Variants in MAST2 observed in about 807,000 individuals in gnomAD.
The protein encoded by MAST2 is microtubule-associated serine/threonine-protein kinase 2.
Under a neutral mutation model 147.4 loss-of-function variants are expected in MAST2, and 70 were observed. That is an observed-to-expected ratio of 0.47 (90% CI 0.39 to 0.58). The LOEUF is 0.58. Among genes scored for constraint, MAST2 ranks in the 20% least tolerant of loss-of-function variants. The pLI, the probability that MAST2 is intolerant of heterozygous loss-of-function variation, is 0.00. For missense variants in MAST2, 2,080 were observed against 2,302.3 expected (o/e 0.90, Z 1.98); for synonymous variants, 869 against 896.8 (o/e 0.97, Z 0.55).
chr1:45,920,459 A>G lies in MAST2; in HGVS notation c.500+38064A>G, dbSNP rs528225358. On this transcript the variant is annotated intron_variant, in intron 4 of 28. Transcript: ENST00000361297. ...TATTTTGCATGTTTCCCATCGGTCC[A>G]GTGTCTGCAAACTATTGTTTCATAT... is the stretch of plus-strand genomic sequence containing the variant. 1.7e-4 allele frequency among the ~76,000 whole-genome samples: 26 copies of G among 152,252 alleles called. No individual in the cohort carries two copies. The South Asian group carries it at 5.4e-3, about 32-fold the overall frequency.
rs756103059 is a variant in MAST2 at position 45,824,504 on chromosome 1, A to C, written c.249A>C (p.Gly83=). 1.1e-5 allele frequency: 18 copies of C among 1,612,314 alleles called. No homozygotes were observed. In the African/African-American group the frequency reaches 1.3e-4, roughly 12 times the overall value. The stretch of plus-strand genomic sequence containing the variant: ...ATCCTGACATATTTTCATCCACTGG[A>C]AAAGTTAAACTTCAGCGACAACTGA... ...LSNPDIFSST[G]KVKLQRQLSQ... Residue 83 remains glycine (G), a synonymous_variant, in exon 2 of 29, where the codon GGA becomes GGC. Transcript: ENST00000361297.
chr1:45,817,973 G>A (rs977116266), intron 1 of MAST2, among the ~76,000 whole-genome samples: 1 of 152,208 alleles, frequency 6.6e-6, no homozygotes, highest in African/African-American at 2.4e-5. Context: ...TGGAAAGAAT[G>A]TTCTGCATCC....
chr1:45,988,783 C>T (rs1644748682), intron 5 of MAST2, among the ~76,000 whole-genome samples: 1 of 152,122 alleles, frequency 6.6e-6, no homozygotes, highest in Non-Finnish European at 1.5e-5. Context: ...TTTCAGTTGG[C>T]TCCTTTCCCC....
At chr1:45,900,173 C>CAA (rs59051138) in intron 4 of MAST2, among the ~76,000 whole-genome samples, 13,145 of 53,658 alleles carry the variant, frequency 0.24, 2,078 homozygotes, top group Non-Finnish European at 0.3. Context: ...CTCTCTCTCT[C>CAA]AAAAAAAAAA....
intron 3 of MAST2, among the ~76,000 whole-genome samples, chr1:45,866,748 T>C (rs1570438419): frequency 2.2e-5 from 1 of 45,172 alleles, no homozygotes; most frequent in Admixed American, 2.6e-4. Context: ...TTTTGTCTAC[T>C]TTTTTTTTTT....
intron 5 of MAST2, among the ~76,000 whole-genome samples, chr1:45,974,339 G>A (rs1644047316): frequency 1.3e-5 from 2 of 152,204 alleles, no homozygotes; most frequent in Admixed American, 1.3e-4. Flanking sequence ...GCTCACGCCT[G>A]TAATCCCCAC....
At chr1:46,033,583 C>T (rs1334736358) in intron 26 of MAST2, among the ~76,000 whole-genome samples, 1 of 152,176 alleles carries the variant, frequency 6.6e-6, no homozygotes, top group Non-Finnish European at 1.5e-5. Context: ...GACGGATTAG[C>T]CTGTTTTCTA....
intron 4 of MAST2, among the ~76,000 whole-genome samples, chr1:45,925,004 A>T (rs188450951): frequency 6.6e-6 from 1 of 152,212 alleles, no homozygotes. Flanking sequence ...AGTTTGTGAT[A>T]CTTGGTTATG....
At chr1:45,917,170 G>C (rs116389931) in intron 4 of MAST2, among the ~76,000 whole-genome samples, 1,844 of 152,332 alleles carry the variant, frequency 0.012, 28 homozygotes, top group African/African-American at 0.039. Context: ...TTTTGTCTCT[G>C]TTGTCATCCT....
intron 4 of MAST2, among the ~76,000 whole-genome samples, chr1:45,899,394 T>G (rs1303132642): frequency 6.7e-6 from 1 of 150,360 alleles, no homozygotes; most frequent in African/African-American, 2.4e-5. Flanking sequence ...TTTCGGCTTC[T>G]AGTGAACCCA....
At chr1:45,860,703 G>T (rs909436370) in intron 3 of MAST2, among the ~76,000 whole-genome samples, 52 of 151,580 alleles carry the variant, frequency 3.4e-4, no homozygotes, top group African/African-American at 1.2e-3. Context: ...GTAGTGGCGG[G>T]TGCCTGTAAT....
intron 4 of MAST2, among the ~76,000 whole-genome samples, chr1:45,929,172 T>C (rs1373985699): frequency 6.6e-6 from 1 of 152,210 alleles, no homozygotes; most frequent in East Asian, 1.9e-4. Context: ...TCCTTCCCTT[T>C]ATTAACTACA....
rs192351518 is a variant in MAST2 at position 45,877,083 on chromosome 1, A to G, written c.469-5281A>G. The stretch of plus-strand genomic sequence containing the variant: ...TCGTGCTGCTATAAAAAAATACCAC[A>G]GATTGGATCATTTATAAAGAACAGA... On this transcript the variant is annotated intron_variant, in intron 3 of 28. Transcript: ENST00000361297. 3.3e-5 allele frequency among the ~76,000 whole-genome samples: 5 copies of G among 152,262 alleles called. No homozygotes were observed. The East Asian group carries it at 9.7e-4, about 30-fold the overall frequency.
Position 46,030,770 on chromosome 1 carries a change from C to T in MAST2, c.2708+9C>T, listed in dbSNP as rs1271613363. ...ATTGGCTCCCCTGAGATGTGAGCACCCAGAGTTCACCCAGGGTGGGCGACA... is the reference window on the plus strand; with the variant it reads ...ATTGGCTCCCCTGAGATGTGAGCACTCAGAGTTCACCCAGGGTGGGCGACA... On this transcript the variant is annotated intron_variant, in intron 22 of 28. Transcript: ENST00000361297. 2 of 1,564,312 alleles carry T rather than the reference C, an allele frequency of 1.3e-6. No individual in the cohort carries two copies. Among genetic ancestry groups the T allele is most frequent in the African/African-American group, 1.4e-5 (1 of 72,888 alleles).
At chr1:46,024,139 T>C (rs2149301172) in intron 15 of MAST2, 159 bp downstream of exon 15, 1 of 682,642 alleles carries the variant, frequency 1.5e-6, no homozygotes, top group East Asian at 2.8e-5. Flanking sequence ...AGAGACCATT[T>C]GGCCACAGTG....
At chr1:45,931,026 A>G (rs1655203636) in intron 4 of MAST2, among the ~76,000 whole-genome samples, 1 of 152,234 alleles carries the variant, frequency 6.6e-6, no homozygotes, top group Admixed American at 6.5e-5. Flanking sequence ...AGACATTTTC[A>G]TAACAGTACA....
At chr1:45,875,587 A>G (rs1646571758) in intron 3 of MAST2, among the ~76,000 whole-genome samples, 1 of 152,198 alleles carries the variant, frequency 6.6e-6, no homozygotes, top group Non-Finnish European at 1.5e-5. Context: ...AGGGAGACCA[A>G]TTAGGAGGAT....
intron 10 of MAST2, among the ~76,000 whole-genome samples, chr1:46,013,577 G>T (rs1348327419): frequency 6.6e-6 from 1 of 152,096 alleles, no homozygotes; most frequent in Admixed American, 6.5e-5. Context: ...CCGCTCGGGA[G>T]GCTGAGGCAG....
Position 46,034,765 on chromosome 1 carries a change from C to T in MAST2, c.4096C>T (p.Leu1366=). ...TTCACCTCAGCGGTCCCCATCGCCCCTGTCTGGCCATGTAGCCCAGGCCTT... is the reference window on the plus strand; with the variant it reads ...TTCACCTCAGCGGTCCCCATCGCCCTTGTCTGGCCATGTAGCCCAGGCCTT... The part of the protein sequence containing the change: ...TASPQRSPSP[L]SGHVAQAFPT... The change falls in exon 29 of 29, where the codon CTG becomes TTG. Residue 1366 remains leucine (L), a synonymous_variant. Transcript: ENST00000361297. 1 of 1,613,972 alleles carries T rather than the reference C, an allele frequency of 6.2e-7. No individual in the cohort carries two copies. The highest frequency in any genetic ancestry group is 1.1e-5 in the South Asian group (1 of 91,078).
Sources: gnomAD v4.1 joint callset for allele counts (sites outside exome capture counted in the v4.1 genomes callset) on GRCh38, gnomAD v4.1.1 for gene constraint, MANE v1.5 for transcripts, NCBI Gene and HGNC (gene_info 2026-07-23, HGNC 2026-07-21) for gene names.